Variants in THSD7A observed in about 807,000 individuals in gnomAD.
THSD7A encodes the protein thrombospondin type-1 domain-containing protein 7A.
A neutral mutation model predicts 231.3 loss-of-function variants in THSD7A; 96 were observed. That is an observed-to-expected ratio of 0.41 (90% CI 0.35 to 0.49). The LOEUF (loss-of-function observed/expected upper bound fraction) is 0.49, where lower values mean the gene tolerates loss of function less well. Among genes scored for constraint, THSD7A ranks in the 20% least tolerant of loss-of-function variants. THSD7A has a pLI of 0.05. For synonymous variants in THSD7A, 940 were observed against 743.3 expected (o/e 1.26, Z -4.30); for missense variants, 2,290 against 2,070.2 (o/e 1.11, Z -2.06).
At chr7:11,447,123 A>T (rs1332129145) in intron 12 of THSD7A, 107 bp downstream of exon 12, 1 of 1,018,744 alleles carries the variant, frequency 9.8e-7, no homozygotes, top group East Asian at 2.6e-5. Flanking sequence ...ATCTAAATCC[A>T]TTGGCATATT....
rs141976579 is a variant in THSD7A, at chr7:11,384,971, C to T, written c.4412-2355G>A. The T allele has an allele frequency of 2.5e-4, 38 of 151,828 alleles. No individual in the cohort carries two copies. The East Asian group carries it at 2.7e-3, about 11-fold the overall frequency. 9.4% of individuals were successfully genotyped at this position (151,828 alleles called of 1,614,324 possible). On this transcript the variant is annotated intron_variant, in intron 23 of 27. Coordinates refer to ENST00000423059, the MANE Select transcript of THSD7A (RefSeq NM_015204.3). ...TTTTATTCATAAACATTTTCACCAA[C>T]GTTTTAGTTTCATATCTTCCAATAA...
At chr7:11,491,571 G>A (rs1786895492) in intron 6 of THSD7A, among the ~76,000 whole-genome samples, 2 of 152,030 alleles carry the variant, frequency 1.3e-5, no homozygotes, top group Non-Finnish European at 2.9e-5. Flanking sequence ...GTTACACTGA[G>A]CTATATTACA....
intron 23 of THSD7A, among the ~76,000 whole-genome samples, chr7:11,388,141 G>C (rs1265426711): frequency 6.6e-6 from 1 of 152,038 alleles, no homozygotes; most frequent in Admixed American, 6.5e-5. Flanking sequence ...ATGTTCATCA[G>C]GGATATTGGC....
At chr7:11,700,963 T>C (rs1780579391) in intron 1 of THSD7A, among the ~76,000 whole-genome samples, 1 of 151,326 alleles carries the variant, frequency 6.6e-6, no homozygotes, top group Non-Finnish European at 1.5e-5. Flanking sequence ...TTAATTTTAT[T>C]AATTTTATTT....
At chr7:11,498,427 C>A (rs1415565172) in intron 6 of THSD7A, among the ~76,000 whole-genome samples, 1 of 152,172 alleles carries the variant, frequency 6.6e-6, no homozygotes, top group East Asian at 1.9e-4. Flanking sequence ...AACCTCCCAA[C>A]TGGGACCTCC....
chr7:11,721,099 T>G (rs1781335327), intron 1 of THSD7A, among the ~76,000 whole-genome samples: 1 of 151,890 alleles, frequency 6.6e-6, no homozygotes, highest in African/African-American at 2.4e-5. Flanking sequence ...ATTAAACTGT[T>G]AGAAAACTCC....
intron 1 of THSD7A, among the ~76,000 whole-genome samples, chr7:11,813,272 G>C (rs116163221): frequency 0.012 from 1,754 of 152,128 alleles, 45 homozygotes; most frequent in African/African-American, 0.04. Flanking sequence ...CTTCCTAAAT[G>C]CACTTTTATT....
chr7:11,383,143 G>A lies in THSD7A; in HGVS notation c.4412-527C>T, dbSNP rs374537658. Among the ~76,000 whole-genome samples the A allele has an allele frequency of 6.4e-4, 97 of 151,180 alleles. 2 individuals carry two copies. In the South Asian group the frequency reaches 0.018, roughly 28 times the overall value. On this transcript the variant is annotated intron_variant, in intron 23 of 27. Transcript: ENST00000423059. ...TTTAATTTTTTCACTATACACACAC[G>A]CACACACACATAATTACTATATACA...
At chr7:11,656,841 T>C (rs1200468166) in intron 1 of THSD7A, among the ~76,000 whole-genome samples, 1 of 151,870 alleles carries the variant, frequency 6.6e-6, no homozygotes, top group Non-Finnish European at 1.5e-5. Context: ...TTCATGTATG[T>C]TATTGTAAGA....
chr7:11,733,971 C>G (rs192853817), intron 1 of THSD7A, among the ~76,000 whole-genome samples: 3 of 151,730 alleles, frequency 2.0e-5, no homozygotes, highest in African/African-American at 7.3e-5. Context: ...GACCCTTTTC[C>G]TTTTCACCTT....
chr7:11,389,102 G>C (rs1472486341), intron 23 of THSD7A, among the ~76,000 whole-genome samples: 1 of 152,194 alleles, frequency 6.6e-6, no homozygotes, highest in African/African-American at 2.4e-5. Context: ...GGAGAGTTCT[G>C]TAGAAGTCTA....
intron 1 of THSD7A, among the ~76,000 whole-genome samples, chr7:11,742,601 A>G (rs1425062897): frequency 6.6e-6 from 1 of 151,918 alleles, no homozygotes; most frequent in African/African-American, 2.4e-5. Flanking sequence ...ATTTCTAAGA[A>G]ATTCTCATAA....
intron 1 of THSD7A, among the ~76,000 whole-genome samples, chr7:11,762,125 C>A (rs897957697): frequency 3.9e-5 from 6 of 152,090 alleles, no homozygotes; most frequent in African/African-American, 1.4e-4. Flanking sequence ...TGTATACCTA[C>A]CACATTTTTT....
At chr7:11,520,391 A>G (rs927758181) in intron 6 of THSD7A, among the ~76,000 whole-genome samples, 7 of 152,188 alleles carry the variant, frequency 4.6e-5, no homozygotes, top group African/African-American at 1.7e-4. Context: ...TATTGGCTTA[A>G]ATAAATAGAA....
chr7:11,823,496 G>A (rs906552145), intron 1 of THSD7A, among the ~76,000 whole-genome samples: 1 of 151,798 alleles, frequency 6.6e-6, no homozygotes, highest in African/African-American at 2.4e-5. Context: ...GTGAAACATG[G>A]CATTGGTATT....
At chr7:11,512,820 C>A (rs1327009729) in intron 6 of THSD7A, among the ~76,000 whole-genome samples, 3 of 150,148 alleles carry the variant, frequency 2.0e-5, no homozygotes, top group East Asian at 2.0e-4. Flanking sequence ...GGAGATATAC[C>A]TAATGTAAAT....
At chr7:11,572,122 G>A (rs2128334882) in intron 4 of THSD7A, among the ~76,000 whole-genome samples, 1 of 152,156 alleles carries the variant, frequency 6.6e-6, no homozygotes, top group African/African-American at 2.4e-5. Flanking sequence ...ATCTCACTAT[G>A]TTGCCCAGGC....
chr7:11,745,029 CA>C (rs1782239017), intron 1 of THSD7A, among the ~76,000 whole-genome samples: 1 of 151,948 alleles, frequency 6.6e-6, no homozygotes, highest in Admixed American at 6.6e-5. Context: ...CTGACTTCCA[CA>C]ATGGTTGAAC....
chr7:11,483,331 G>A (rs1786506624), intron 6 of THSD7A, among the ~76,000 whole-genome samples: 2 of 152,114 alleles, frequency 1.3e-5, no homozygotes, highest in South Asian at 4.1e-4. Context: ...AAAATCAGAA[G>A]TCAATTGGAA....
Sources: gnomAD v4.1 joint callset for allele counts (sites outside exome capture counted in the v4.1 genomes callset) on GRCh38, gnomAD v4.1.1 for gene constraint, MANE v1.5 for transcripts, NCBI Gene and HGNC (gene_info 2026-07-23, HGNC 2026-07-21) for gene names.